The following CCSER2 variants were observed in gnomAD, a reference collection of about 807,000 sequenced individuals.
CCSER2 encodes the protein coiled-coil serine rich protein 2, also known as serine-rich coiled-coil domain-containing protein 2.
Under a neutral mutation model 92.3 loss-of-function variants are expected in CCSER2, and 46 were observed. The observed-to-expected ratio is 0.50, with a 90% CI of 0.39 to 0.64. The LOEUF (loss-of-function observed/expected upper bound fraction) is 0.64, where lower values mean the gene tolerates loss of function less well. Among genes scored for constraint, CCSER2 ranks in the 30% least tolerant of loss-of-function variants. The pLI is 0.00. For missense variants in CCSER2, 1,244 were observed against 1,238.9 expected (o/e 1.00, Z -0.06); for synonymous variants, 433 against 431.4 (o/e 1.00, Z -0.04).
chr10:84,438,488 C>G, intron 5 of CCSER2, 24 bp from the exon 6 acceptor site: 1 of 1,358,326 alleles, frequency 7.4e-7, no homozygotes, highest in Non-Finnish European at 1.0e-6. Context: ...TCTTTTCCCT[C>G]CACCTTCTTC....
chr10:84,431,083 T>A (rs186856999), intron 5 of CCSER2, among the ~76,000 whole-genome samples: 1 of 152,210 alleles, frequency 6.6e-6, no homozygotes, highest in Non-Finnish European at 1.5e-5. Context: ...TCTTGCATGA[T>A]TGTATTATAA....
At chr10:84,475,430 T>C (rs899776777) in intron 8 of CCSER2, among the ~76,000 whole-genome samples, 9 of 152,212 alleles carry the variant, frequency 5.9e-5, no homozygotes, top group African/African-American at 1.7e-4. Context: ...TTGCCAAATA[T>C]TATTTTTCAT....
At chr10:84,512,395 T>TA (rs1849401254) in intron 9 of CCSER2, among the ~76,000 whole-genome samples, 1 of 129,742 alleles carries the variant, frequency 7.7e-6, no homozygotes, top group Admixed American at 8.5e-5. Flanking sequence ...TGTGTGTGTG[T>TA]GAGAGAGAGA....
At chr10:84,486,951 T>C (rs1294761365) in intron 9 of CCSER2, among the ~76,000 whole-genome samples, 2 of 152,222 alleles carry the variant, frequency 1.3e-5, no homozygotes, top group Non-Finnish European at 2.9e-5. Flanking sequence ...CAGTTTCAGC[T>C]TTCTACATAT....
At chr10:84,381,320 A>C (rs1840893828) in intron 3 of CCSER2, among the ~76,000 whole-genome samples, 1 of 152,224 alleles carries the variant, frequency 6.6e-6, no homozygotes, top group Non-Finnish European at 1.5e-5. Flanking sequence ...ACACTCATTA[A>C]TATTCTTCCA....
rs550098960 is a variant in CCSER2, at chr10:84,390,729, C to T, written c.1614+16914C>T. Among the ~76,000 whole-genome samples the T allele has an allele frequency of 7.9e-4, 120 of 152,264 alleles. 3 individuals are homozygous for T. The South Asian group carries it at 0.024, about 30-fold the overall frequency. On this transcript the variant is annotated intron_variant, in intron 3 of 9. Transcript: ENST00000372088. ...TTGTAACCCACTTCACTTCTGCCAC[C>T]GTATCCTTTTCCACATCAATGTCTT...
At chr10:84,400,005 T>C (rs1195348903) in intron 3 of CCSER2, among the ~76,000 whole-genome samples, 2 of 152,190 alleles carry the variant, frequency 1.3e-5, no homozygotes, top group Non-Finnish European at 2.9e-5. Context: ...GTTGAACTTT[T>C]TTGTGTGTTT....
Position 84,372,311 on chromosome 10 carries a change from A to T in CCSER2, c.1259A>T (p.Asp420Val), listed in dbSNP as rs1846103747. ...GAAGACTTTAGTGATGATTTTATAG[A>T]TATAGAAGACTCCAACAGAACTAGA... The part of the protein sequence containing the change: ...LSEDFSDDFI[D>V]IEDSNRTRIT... The change falls in exon 2 of 10, where the codon GAT (aspartate) becomes GTT (valine). Residue 420 changes from aspartate (D) to valine (V), a missense_variant. Asp to Val is a radical substitution (Grantham distance 152). Transcript: ENST00000372088. The T allele has an allele frequency of 1.2e-6, 2 of 1,612,436 alleles. No individual in the cohort carries two copies. Among genetic ancestry groups the T allele is most frequent in the Admixed American group, 1.7e-5 (1 of 59,856 alleles).
intron 1 of CCSER2, among the ~76,000 whole-genome samples, chr10:84,339,020 C>T (rs989067953): frequency 5.3e-5 from 8 of 152,026 alleles, no homozygotes; most frequent in Middle Eastern, 3.4e-3. Flanking sequence ...TTTGGATTTC[C>T]GAAACACAGA....
intron 9 of CCSER2, among the ~76,000 whole-genome samples, chr10:84,479,693 A>G (rs192211274): frequency 2.1e-4 from 32 of 152,260 alleles, no homozygotes; most frequent in Admixed American, 4.6e-4. Context: ...AGATGCTTGT[A>G]GAAACCTCCA....
chr10:84,355,837 T>A (rs1415055992), intron 1 of CCSER2, among the ~76,000 whole-genome samples: 1 of 152,214 alleles, frequency 6.6e-6, no homozygotes, highest in Non-Finnish European at 1.5e-5. Context: ...GCACTGTGGC[T>A]CACGCCTGTA....
chr10:84,360,660 T>C (rs1845448946), intron 1 of CCSER2, among the ~76,000 whole-genome samples: 1 of 152,256 alleles, frequency 6.6e-6, no homozygotes, highest in Admixed American at 6.5e-5. Context: ...AGTTAGTCTC[T>C]GTCCCAGGGA....
rs1383129388 is a variant in CCSER2 at position 84,328,648 on chromosome 10, C to T, written c.-200C>T. On this transcript the variant is annotated 5_prime_UTR_variant, in exon 1 of 10. Coordinates refer to ENST00000372088, the MANE Select transcript of CCSER2 (RefSeq NM_001284240.2). ...GCGGCGGCTTTGGAGTCCGGCGCTC[C>T]CTCAGGCCGCGGACGCGATGCTGGT... The T allele has an allele frequency of 1.3e-5, 2 of 150,728 alleles. No homozygotes were observed. Among genetic ancestry groups the T allele is most frequent in the Admixed American group, 6.6e-5 (1 of 15,152 alleles). 9.3% of individuals were successfully genotyped at this position (150,728 alleles called of 1,614,324 possible).
At chr10:84,504,436 C>T (rs1848935852) in intron 9 of CCSER2, among the ~76,000 whole-genome samples, 1 of 152,094 alleles carries the variant, frequency 6.6e-6, no homozygotes, top group South Asian at 2.1e-4. Context: ...CCAGCTTTTC[C>T]TCAGTTTAAC....
intron 3 of CCSER2, among the ~76,000 whole-genome samples, chr10:84,390,525 A>G (rs996209196): frequency 1.3e-5 from 2 of 152,240 alleles, no homozygotes; most frequent in East Asian, 3.8e-4. Context: ...ATCTAAATAT[A>G]GAAAAGGTAA....
intron 7 of CCSER2, among the ~76,000 whole-genome samples, chr10:84,468,161 T>C (rs962594231): frequency 6.6e-6 from 1 of 152,206 alleles, no homozygotes; most frequent in Non-Finnish European, 1.5e-5. Context: ...CGTGCTATGC[T>C]TTCCCTCACC....
chr10:84,491,153 G>T (rs1021078217), intron 9 of CCSER2, among the ~76,000 whole-genome samples: 2 of 152,168 alleles, frequency 1.3e-5, no homozygotes, highest in South Asian at 2.1e-4. Context: ...TGCCCCTACT[G>T]GGGGGTGCCT....
chr10:84,338,317 C>T (rs1425860772), intron 1 of CCSER2, among the ~76,000 whole-genome samples: 1 of 149,476 alleles, frequency 6.7e-6, no homozygotes, highest in Non-Finnish European at 1.5e-5. Flanking sequence ...AAAAAAAAAC[C>T]CCAAAAACAA....
At chr10:84,429,501 G>T (rs1193104276) in intron 5 of CCSER2, among the ~76,000 whole-genome samples, 1 of 151,890 alleles carries the variant, frequency 6.6e-6, no homozygotes, top group Admixed American at 6.6e-5. Flanking sequence ...AGACTTCTTG[G>T]TTGGCAGTGT....
Sources: allele counts gnomAD v4.1 joint callset (sites outside exome capture counted in the v4.1 genomes callset), GRCh38; gene constraint gnomAD v4.1.1; transcripts MANE v1.5; gene names NCBI Gene and HGNC (gene_info 2026-07-23, HGNC 2026-07-21).